The following DDX19A variants were observed in gnomAD, a reference collection of about 807,000 sequenced individuals.
DDX19A encodes the protein ATP-dependent RNA helicase DDX19A.
DDX19A carries 12 observed loss-of-function variants against 60.6 expected under a neutral mutation model. The observed-to-expected ratio is 0.20, with a 90% CI of 0.13 to 0.32. The LOEUF (loss-of-function observed/expected upper bound fraction) is 0.32. DDX19A is among the 10% of genes least tolerant of loss of function. DDX19A has a pLI of 1.00. For synonymous variants in DDX19A, 206 were observed against 218.2 expected, an observed-to-expected ratio of 0.94 and a Z score of 0.49; for missense variants, 337 against 600.6, an observed-to-expected ratio of 0.56 and a Z score of 4.59.
chr16:70,363,192 T>C (rs1281102937), intron 5 of DDX19A: 1 of 151,602 alleles, frequency 6.6e-6, no homozygotes, highest in Non-Finnish European at 1.5e-5. Flanking sequence ...GTCTCCTCTG[T>C]CGCCCAGGCT....
intron 4 of DDX19A, among the ~76,000 whole-genome samples, chr16:70,357,214 G>C (rs1400448123): frequency 6.8e-6 from 1 of 146,402 alleles, no homozygotes; most frequent in African/African-American, 2.5e-5. Context: ...AGCCAAGTTC[G>C]TGCCACTGCA....
chr16:70,347,202 C>G lies in DDX19A; in HGVS notation c.57+154C>G, dbSNP rs1389989469. On this transcript the variant is annotated intron_variant, in intron 1 of 11. Coordinates refer to ENST00000302243, the MANE Select transcript of DDX19A (RefSeq NM_018332.5). Reference sequence around the variant, plus strand: ...ACTTGCCCTTGATTTGCTCTTAGAGCTAAAGAGACCAATGTCGAGCTTTTT... The same window carrying G: ...ACTTGCCCTTGATTTGCTCTTAGAGGTAAAGAGACCAATGTCGAGCTTTTT... 5 of 716,266 alleles carry G rather than the reference C, an allele frequency of 7.0e-6. No individual in the cohort carries two copies. The South Asian group carries it at 8.1e-5, about 12-fold the overall frequency. The allele number at this position is 716,266 out of a possible 1,614,324, so 44.4% of individuals were successfully genotyped here. A position where few individuals can be genotyped will look rare whatever the true frequency, so the allele number is the denominator to read the frequency against.
At chr16:70,351,073 A>C (rs1441665376) in intron 2 of DDX19A, among the ~76,000 whole-genome samples, 1 of 149,298 alleles carries the variant, frequency 6.7e-6, no homozygotes, top group Non-Finnish European at 1.5e-5. Context: ...TAGTAGAGAT[A>C]GGGTTTCGCC....
At chr16:70,369,114 G>T (rs1014677519) in intron 9 of DDX19A, among the ~76,000 whole-genome samples, 1 of 149,390 alleles carries the variant, frequency 6.7e-6, no homozygotes, top group Non-Finnish European at 1.5e-5. Flanking sequence ...TGATCCGCCC[G>T]CCTCGGCCTC....
At chr16:70,354,303 C>T (rs1262942883) in intron 2 of DDX19A, among the ~76,000 whole-genome samples, 1 of 152,048 alleles carries the variant, frequency 6.6e-6, no homozygotes, top group Non-Finnish European at 1.5e-5. Flanking sequence ...TGCGCCACCA[C>T]ACCCAGCTAA....
chr16:70,353,569 G>A (rs1035884840), intron 2 of DDX19A, among the ~76,000 whole-genome samples: 1 of 151,934 alleles, frequency 6.6e-6, no homozygotes, highest in African/African-American at 2.4e-5. Context: ...ATTCTGTGAT[G>A]AGATTGTAGG....
rs554862053 is a variant in DDX19A, at chr16:70,368,431, C to A, written c.1020+1570C>A. Among the ~76,000 whole-genome samples, 30 of 152,080 alleles carry A rather than the reference C, an allele frequency of 2.0e-4. 1 individual carries two copies. Among genetic ancestry groups the A allele is most frequent in the South Asian group, 8.3e-4 (4 of 4,822 alleles). On this transcript the variant is annotated intron_variant, in intron 9 of 11. Coordinates refer to ENST00000302243, the MANE Select transcript of DDX19A (RefSeq NM_018332.5). ...GGGATTACCAGCGCCCGCCATCATGCCCAGCTAATTTTTGTATTTTTGGTA... is the reference window on the plus strand; with the variant it reads ...GGGATTACCAGCGCCCGCCATCATGACCAGCTAATTTTTGTATTTTTGGTA...
intron 5 of DDX19A, chr16:70,363,916 T>A (rs539961471): frequency 6.6e-6 from 1 of 152,172 alleles, no homozygotes; most frequent in African/African-American, 2.4e-5. Context: ...ATTTTTTATA[T>A]TTTTAGTAGA....
intron 4 of DDX19A, among the ~76,000 whole-genome samples, chr16:70,360,532 G>C (rs1021419420): frequency 6.6e-6 from 1 of 151,702 alleles, no homozygotes; most frequent in Non-Finnish European, 1.5e-5. Context: ...TTTAGAGACA[G>C]GGTCTCACTG....
intron 5 of DDX19A, among the ~76,000 whole-genome samples, chr16:70,361,918 C>T (rs1301259140): frequency 1.3e-5 from 2 of 151,954 alleles, no homozygotes; most frequent in Admixed American, 6.6e-5. Context: ...AACCTGTAAT[C>T]CTAGCACTTT....
At position 70,371,451 on chromosome 16, in the gene DDX19A, C is replaced by G. The variant is rs767127498; in HGVS notation, c.1263C>G (p.Thr421=). 2 of 1,612,470 alleles carry G rather than the reference C, an allele frequency of 1.2e-6. No homozygotes were observed. Among genetic ancestry groups the G allele is most frequent in the South Asian group, 1.1e-5 (1 of 90,934 alleles). ...VDKDGNPDNE[T]YLHRIGRTGR... ...AGGACGGGAATCCTGACAATGAGAC[C>G]TACCTGCACCGGATCGGGCGCACGG... The change falls in exon 11 of 12, where the codon ACC becomes ACG. Residue 421 remains threonine, a synonymous_variant. Coordinates refer to ENST00000302243, the MANE Select transcript of DDX19A (RefSeq NM_018332.5).
chr16:70,364,918 C>T, intron 6 of DDX19A, 99 bp from the exon 7 acceptor site: 1 of 907,848 alleles, frequency 1.1e-6, no homozygotes, highest in Non-Finnish European at 1.8e-6. Flanking sequence ...ACATGCTTCC[C>T]TGTGCTATTC....
At position 70,355,494 on chromosome 16, in the gene DDX19A, A is replaced by G; in HGVS notation, c.116A>G (p.Lys39Arg). ...KVKADTNGIIKTSTTAEKTDE... is the reference protein window; with the variant it reads ...KVKADTNGIIRTSTTAEKTDE... ...TTGTTTTCTTGTGTAGGTATTATCA[A>G]AACCAGTACCACTGCCGAGAAAACA... Residue 39 changes from lysine to arginine, a missense_variant, in exon 3 of 12, where the codon AAA becomes AGA. Physicochemically the swap from Lys to Arg is conservative, Grantham distance 26. Around this residue, in one of 6 missense-constraint regions of DDX19A, gnomAD observed 127 missense variants for 160.3 expected, o/e 0.79. Transcript: ENST00000302243. 2 of 1,613,842 alleles carry G rather than the reference A, an allele frequency of 1.2e-6. No individual in the cohort carries two copies. Among genetic ancestry groups the G allele is most frequent in the Non-Finnish European group, 1.7e-6 (2 of 1,179,718 alleles).
intron 7 of DDX19A, chr16:70,365,828 A>G (rs1185417263): frequency 3.6e-6 from 2 of 562,906 alleles, no homozygotes; most frequent in Non-Finnish European, 6.3e-6. Flanking sequence ...ATGTTGGATT[A>G]TAGGAGGAAG....
chr16:70,361,529 C>T lies in DDX19A; in HGVS notation c.386+19C>T, dbSNP rs1298385193. 8 of 1,569,240 alleles carry T rather than the reference C, an allele frequency of 5.1e-6. No individual in the cohort carries two copies. The highest frequency in any genetic ancestry group is 3.3e-4 in the Middle Eastern group (2 of 6,004). ...CTGAACCGTGAGTATGCAGATGAAG[C>T]GCATCTCACCCAGTGTGATTAGATC... On this transcript the variant is annotated intron_variant, in intron 5 of 11. Coordinates refer to ENST00000302243, the MANE Select transcript of DDX19A (RefSeq NM_018332.5).
rs148019142 is a variant in DDX19A, at chr16:70,349,561, T to C, written c.58-996T>C. ...AGCGGTCAGGCCTGCTGTGTTCTCT[T>C]CTGCCCGGTAGCCATCAGACATTTG... On this transcript the variant is annotated intron_variant, in intron 1 of 11. Transcript: ENST00000302243. Among the ~76,000 whole-genome samples the C allele has an allele frequency of 4.8e-3, 724 of 152,314 alleles. 13 individuals are homozygous for C. The highest frequency in any genetic ancestry group is 0.016 in the African/African-American group (670 of 41,568).
At chr16:70,371,030 C>T (rs902388637) in intron 10 of DDX19A, 11 of 402,630 alleles carry the variant, frequency 2.7e-5, no homozygotes, top group Non-Finnish European at 4.5e-5. Flanking sequence ...AAGGAACTCC[C>T]GCAGAAACCA....
chr16:70,370,587 C>T, intron 10 of DDX19A: 1 of 814,820 alleles, frequency 1.2e-6, no homozygotes, highest in East Asian at 2.9e-5. Flanking sequence ...TGGCTCATGC[C>T]TGCAATCCCA....
At chr16:70,366,424 C>T in intron 8 of DDX19A, 162 bp downstream of exon 8, 1 of 1,275,220 alleles carries the variant, frequency 7.8e-7, no homozygotes, top group Non-Finnish European at 1.1e-6. Flanking sequence ...ATCACAGTCC[C>T]TCCCAACCTG....
Sources: allele counts gnomAD v4.1 joint callset (sites outside exome capture counted in the v4.1 genomes callset), GRCh38; gene constraint gnomAD v4.1.1; regional missense constraint gnomAD v4.1.1; transcripts MANE v1.5; gene names NCBI Gene and HGNC (gene_info 2026-07-23, HGNC 2026-07-21).